CHCHD3: variants seen among roughly 807,000 people sequenced by gnomAD.
The protein encoded by CHCHD3 is coiled-coil-helix-coiled-coil-helix domain containing 3, also known as MICOS complex subunit MIC19.
Under a neutral mutation model 38.2 loss-of-function variants are expected in CHCHD3, and 20 were observed. The observed-to-expected ratio is 0.52, with a 90% CI of 0.37 to 0.76. The LOEUF is 0.76. CHCHD3 is among the 30% of genes least tolerant of loss of function. The probability of loss-of-function intolerance (pLI) is 0.00; values close to 1 mark genes in which losing one functional copy is unlikely to be tolerated. For missense variants in CHCHD3, 245 were observed against 279.2 expected, an observed-to-expected ratio of 0.88 and a Z score of 0.87; for synonymous variants, 82 against 100.0, an observed-to-expected ratio of 0.82 and a Z score of 1.07.
intron 2 of CHCHD3, among the ~76,000 whole-genome samples, chr7:133,037,123 T>C (rs543388826): frequency 6.0e-4 from 92 of 152,176 alleles, no homozygotes; most frequent in Admixed American, 2.6e-3. Context: ...GCTAAAGTAA[T>C]AGAATATGAT....
At chr7:132,840,070 T>C (rs567945257) in intron 5 of CHCHD3, among the ~76,000 whole-genome samples, 76 of 152,382 alleles carry the variant, frequency 5.0e-4, no homozygotes, top group African/African-American at 1.7e-3. Context: ...TAATTGTCTA[T>C]ATGCCGAGAG....
rs375517352 is a variant in CHCHD3, at chr7:132,866,514, G to GT, written c.453+19147dup. ...TTTGAATAGCTTGGTAGGATTGTTA[G>GT]TGTTGACTTGGGTTTGGGATAGGCT... On this transcript the variant is annotated intron_variant, in intron 5 of 7. Transcript: ENST00000262570. 3.0e-3 allele frequency among the ~76,000 whole-genome samples: 458 copies of GT among 152,314 alleles called. 1 individual carries two copies. Among genetic ancestry groups the GT allele is most frequent in the African/African-American group, 0.011 (439 of 41,564 alleles).
At chr7:132,819,805 A>G (rs1225500659) in intron 6 of CHCHD3, among the ~76,000 whole-genome samples, 2 of 152,184 alleles carry the variant, frequency 1.3e-5, no homozygotes, top group African/African-American at 2.4e-5. Context: ...TATCGGGAGG[A>G]AGGTGGTGAA....
chr7:132,996,197 C>G (rs1322816145), intron 3 of CHCHD3, among the ~76,000 whole-genome samples: 2 of 152,202 alleles, frequency 1.3e-5, no homozygotes, highest in African/African-American at 4.8e-5. Flanking sequence ...GTACATGTCT[C>G]ATCTTTCTTC....
chr7:133,063,086 G>A (rs1247907343), intron 2 of CHCHD3, among the ~76,000 whole-genome samples: 4 of 152,054 alleles, frequency 2.6e-5, no homozygotes, highest in South Asian at 2.1e-4. Context: ...AAAATACCAC[G>A]GAATACAAAA....
chr7:132,962,482 T>C (rs1159252591), intron 4 of CHCHD3, among the ~76,000 whole-genome samples: 2 of 151,994 alleles, frequency 1.3e-5, no homozygotes, highest in African/African-American at 4.8e-5. Context: ...TTACATGGAG[T>C]TGTACCTGGA....
chr7:132,973,292 T>A, intron 4 of CHCHD3: 2 of 985,454 alleles, frequency 2.0e-6, no homozygotes, highest in Non-Finnish European at 2.4e-6. Flanking sequence ...CGTACCTTCC[T>A]CAAACATGAG....
rs115597302 is a variant in CHCHD3 at position 132,897,627 on chromosome 7, T to C, written c.370-11882A>G. 2.4e-3 allele frequency among the ~76,000 whole-genome samples: 364 copies of C among 152,350 alleles called. 2 individuals are homozygous for C. Among genetic ancestry groups the C allele is most frequent in the African/African-American group, 8.1e-3 (337 of 41,578 alleles). On this transcript the variant is annotated intron_variant, in intron 4 of 7. Transcript: ENST00000262570. ...ATTGCTCTGACTTTATTTCTTCTCATGCTGGCTTGAAGTTAAGAGAAGAAA... is the reference window on the plus strand; with the variant it reads ...ATTGCTCTGACTTTATTTCTTCTCACGCTGGCTTGAAGTTAAGAGAAGAAA...
intron 6 of CHCHD3, among the ~76,000 whole-genome samples, chr7:132,833,615 A>G (rs1807700297): frequency 2.0e-5 from 3 of 152,166 alleles, no homozygotes; most frequent in Admixed American, 1.3e-4. Context: ...TTGTATATTC[A>G]GGCTTGGCTT....
chr7:133,053,160 A>C (rs189850030), intron 2 of CHCHD3, among the ~76,000 whole-genome samples: 1 of 152,332 alleles, frequency 6.6e-6, no homozygotes, highest in Admixed American at 6.5e-5. Flanking sequence ...TAGCTATGTT[A>C]GCCCCTGTCA....
intron 6 of CHCHD3, among the ~76,000 whole-genome samples, chr7:132,807,610 T>A (rs1273427798): frequency 1.8e-4 from 5 of 28,290 alleles, no homozygotes; most frequent in Non-Finnish European, 2.7e-4. Context: ...CACATAAATA[T>A]ATATATATAT....
intron 3 of CHCHD3, among the ~76,000 whole-genome samples, chr7:132,991,145 G>T (rs1418912171): frequency 6.6e-6 from 1 of 152,016 alleles, no homozygotes; most frequent in Non-Finnish European, 1.5e-5. Flanking sequence ...AATCATTTTT[G>T]ATTCTTACAT....
intron 2 of CHCHD3, among the ~76,000 whole-genome samples, chr7:133,033,872 G>A (rs1432637014): frequency 6.6e-6 from 1 of 151,910 alleles, no homozygotes; most frequent in Non-Finnish European, 1.5e-5. Context: ...TGATGTCCTA[G>A]AGGGATGAGG....
At chr7:132,970,116 GA>G (rs917375605) in intron 4 of CHCHD3, among the ~76,000 whole-genome samples, 1 of 152,122 alleles carries the variant, frequency 6.6e-6, no homozygotes, top group African/African-American at 2.4e-5. Flanking sequence ...CCCACTTAAA[GA>G]ACAGACTATG....
At chr7:133,023,161 A>G (rs1408406558) in intron 3 of CHCHD3, among the ~76,000 whole-genome samples, 1 of 152,170 alleles carries the variant, frequency 6.6e-6, no homozygotes, top group African/African-American at 2.4e-5. Context: ...TTAAATAATT[A>G]TAAAGCACTG....
chr7:133,003,942 C>T (rs887708951), intron 3 of CHCHD3, among the ~76,000 whole-genome samples: 2 of 151,772 alleles, frequency 1.3e-5, no homozygotes, highest in African/African-American at 4.8e-5. Flanking sequence ...GAATTTTGAA[C>T]CTGAAAGATA....
intron 5 of CHCHD3, among the ~76,000 whole-genome samples, chr7:132,873,394 A>AATT (rs1259735062): frequency 6.7e-6 from 1 of 148,462 alleles, no homozygotes; most frequent in African/African-American, 2.5e-5. Context: ...AGCTTATAAT[A>AATT]ATCCCTCAAT....
At chr7:132,992,604 G>A (rs1178947135) in intron 3 of CHCHD3, among the ~76,000 whole-genome samples, 1 of 152,072 alleles carries the variant, frequency 6.6e-6, no homozygotes, top group Non-Finnish European at 1.5e-5. Context: ...ATATACACTG[G>A]ATTTTGAACA....
chr7:132,794,377 C>A (rs1041924487), intron 7 of CHCHD3, among the ~76,000 whole-genome samples: 1 of 152,112 alleles, frequency 6.6e-6, no homozygotes, highest in Non-Finnish European at 1.5e-5. Flanking sequence ...ATGCTCTCAA[C>A]TGGAAAATGG....
Sources: gnomAD v4.1 joint callset for allele counts (sites outside exome capture counted in the v4.1 genomes callset) on GRCh38, gnomAD v4.1.1 for gene constraint, MANE v1.5 for transcripts, NCBI Gene and HGNC (gene_info 2026-07-23, HGNC 2026-07-21) for gene names.